ATP9B: variants seen among roughly 807,000 people sequenced by gnomAD.
The protein encoded by ATP9B is probable phospholipid-transporting ATPase IIB.
Under a neutral mutation model 146.1 loss-of-function variants are expected in ATP9B, and 110 were observed. The observed-to-expected ratio is 0.75, with a 90% CI of 0.65 to 0.88. The LOEUF is 0.88. ATP9B is among the 40% of genes least tolerant of loss of function. The pLI is 0.00. For synonymous variants in ATP9B, 604 were observed against 569.7 expected, an observed-to-expected ratio of 1.06 and a Z score of -0.86; for missense variants, 1,499 against 1,496.4, an observed-to-expected ratio of 1.00 and a Z score of -0.03.
chr18:79,374,473 C>T (rs12965818), intron 28 of ATP9B, among the ~76,000 whole-genome samples: 1 of 137,278 alleles, frequency 7.3e-6, no homozygotes, highest in African/African-American at 2.8e-5. Context: ...ACTGGCTGGC[C>T]GGTCCCCTGA....
At chr18:79,103,498 C>T (rs942898531) in intron 2 of ATP9B, among the ~76,000 whole-genome samples, 27 of 151,580 alleles carry the variant, frequency 1.8e-4, no homozygotes, top group African/African-American at 6.5e-4. Flanking sequence ...GGAGGTGACA[C>T]CTTTGGAAAG....
At chr18:79,326,129 C>A (rs1325177242) in intron 15 of ATP9B, among the ~76,000 whole-genome samples, 5 of 14,396 alleles carry the variant, frequency 3.5e-4, no homozygotes, top group Admixed American at 1.8e-3. Context: ...ACCTCTGTAC[C>A]CTCCCTCCCC....
At chr18:79,317,843 C>T (rs550004866) in intron 15 of ATP9B, among the ~76,000 whole-genome samples, 25 of 152,306 alleles carry the variant, frequency 1.6e-4, no homozygotes, top group Admixed American at 1.4e-3. Flanking sequence ...AGAACCAAGG[C>T]AGGAAATACC....
At chr18:79,205,641 A>T (rs2095527028) in intron 9 of ATP9B, among the ~76,000 whole-genome samples, 1 of 152,142 alleles carries the variant, frequency 6.6e-6, no homozygotes. Context: ...CCCACACGGG[A>T]CGTCTTCCCT....
At chr18:79,201,782 A>T (rs1394577608) in intron 9 of ATP9B, among the ~76,000 whole-genome samples, 3 of 152,060 alleles carry the variant, frequency 2.0e-5, no homozygotes, top group African/African-American at 7.2e-5. Flanking sequence ...ATTGGTCTCG[A>T]ACTCCTGACC....
chr18:79,111,500 T>C (rs939630469), intron 3 of ATP9B, among the ~76,000 whole-genome samples: 1 of 150,700 alleles, frequency 6.6e-6, no homozygotes, highest in Admixed American at 6.7e-5. Flanking sequence ...AAGACAGACC[T>C]TTTGTCAGGA....
At chr18:79,131,596 T>C (rs1025128548) in intron 5 of ATP9B, among the ~76,000 whole-genome samples, 4 of 152,192 alleles carry the variant, frequency 2.6e-5, no homozygotes, top group African/African-American at 4.8e-5. Flanking sequence ...TCAGCAGCTG[T>C]GGAAAACACA....
intron 7 of ATP9B, among the ~76,000 whole-genome samples, chr18:79,175,632 C>G (rs756708028): frequency 1.6e-4 from 25 of 152,238 alleles, no homozygotes; most frequent in Non-Finnish European, 3.2e-4. Context: ...CAGATATGTT[C>G]ACACACCAAT....
At chr18:79,229,365 C>T (rs1019810617) in intron 11 of ATP9B, among the ~76,000 whole-genome samples, 17 of 152,110 alleles carry the variant, frequency 1.1e-4, no homozygotes, top group African/African-American at 4.1e-4. Context: ...ATTCAGGCAA[C>T]AGTTTTCTTA....
intron 6 of ATP9B, among the ~76,000 whole-genome samples, chr18:79,154,050 C>T (rs1164769371): frequency 6.6e-6 from 1 of 151,580 alleles, no homozygotes; most frequent in Non-Finnish European, 1.5e-5. Flanking sequence ...GCTCTGCCTC[C>T]CGGGTTCACG....
chr18:79,344,223 G>C (rs1395145531), intron 20 of ATP9B, 42 bp from the exon 21 acceptor site: 3 of 1,560,880 alleles, frequency 1.9e-6, no homozygotes, highest in Non-Finnish European at 2.6e-6. Context: ...CTGTAACTTA[G>C]ACAACATTTT....
chr18:79,077,792 A>G (rs2072793546), intron 1 of ATP9B, among the ~76,000 whole-genome samples: 1 of 152,200 alleles, frequency 6.6e-6, no homozygotes, highest in Non-Finnish European at 1.5e-5. Flanking sequence ...CCTGTAAGGA[A>G]AGTAACTTTG....
intron 11 of ATP9B, among the ~76,000 whole-genome samples, chr18:79,242,790 G>A (rs888576086): frequency 6.6e-6 from 1 of 152,204 alleles, no homozygotes; most frequent in Non-Finnish European, 1.5e-5. Flanking sequence ...CTCATAAAGT[G>A]TCTCTGAAGA....
intron 12 of ATP9B, among the ~76,000 whole-genome samples, chr18:79,269,839 A>G (rs981014701): frequency 6.6e-6 from 1 of 152,242 alleles, no homozygotes; most frequent in Admixed American, 6.5e-5. Context: ...TCAGCTCCAC[A>G]AGCAGGCTCA....
chr18:79,130,992 C>T (rs1256904357), intron 5 of ATP9B, among the ~76,000 whole-genome samples: 1 of 152,076 alleles, frequency 6.6e-6, no homozygotes, highest in African/African-American at 2.4e-5. Context: ...GAAACCCTGT[C>T]TCTACTAAAA....
chr18:79,286,358 G>A (rs1385693738), intron 13 of ATP9B, among the ~76,000 whole-genome samples: 8 of 151,694 alleles, frequency 5.3e-5, no homozygotes, highest in Admixed American at 1.3e-4. Context: ...GGATTCCTAG[G>A]TATTTTATTC....
At chr18:79,348,628 G>A (rs746589252) in intron 25 of ATP9B, among the ~76,000 whole-genome samples, 5 of 152,242 alleles carry the variant, frequency 3.3e-5, no homozygotes, top group African/African-American at 4.8e-5. Flanking sequence ...GGCATGCTTC[G>A]AAGCAAACAC....
intron 11 of ATP9B, among the ~76,000 whole-genome samples, chr18:79,246,374 G>GCACCGCCCTACTGACTGTGAGGAGGA (rs1220746264): frequency 2.6e-5 from 4 of 152,068 alleles, no homozygotes; most frequent in Non-Finnish European, 4.4e-5. Context: ...ACTGAGGAGG[G>GCACCGCCCTACTGACTGTGAGGAGGA]CACCGCCCTA....
At chr18:79,325,899 TG>T (rs2096741894) in intron 15 of ATP9B, among the ~76,000 whole-genome samples, 1 of 151,452 alleles carries the variant, frequency 6.6e-6, no homozygotes, top group Admixed American at 6.6e-5. Flanking sequence ...TCCCCTCACA[TG>T]GTGTTAGGGT....
Sources: gnomAD v4.1 joint callset for allele counts (sites outside exome capture counted in the v4.1 genomes callset) on GRCh38, gnomAD v4.1.1 for gene constraint, MANE v1.5 for transcripts, NCBI Gene and HGNC (gene_info 2026-07-23, HGNC 2026-07-21) for gene names.